The following SYT9 variants were observed in gnomAD, a reference collection of about 807,000 sequenced individuals.
The protein encoded by SYT9 is synaptotagmin 9, also known as synaptotagmin-9.
Under a neutral mutation model 48.4 loss-of-function variants are expected in SYT9, and 22 were observed. The ratio of observed to expected loss-of-function variants is 0.45; its 90% CI spans 0.32 to 0.65. SYT9 has a LOEUF of 0.65. SYT9 is among the 30% of genes least tolerant of loss of function. The pLI is 0.03. For synonymous variants in SYT9, 265 were observed against 245.0 expected (o/e 1.08, Z -0.76); for missense variants, 577 against 622.0 (o/e 0.93, Z 0.77).
chr11:7,467,080 T>G lies in SYT9; in HGVS notation c.*280T>G, dbSNP rs1848351437. The stretch of plus-strand genomic sequence containing the variant: ...TATGAACAAAAACAAATGATAGATA[T>G]AGTGACAGTACCAAGAGTACCAGGA... On this transcript the variant is annotated 3_prime_UTR_variant, in exon 7 of 7. Transcript: ENST00000318881. 2.2e-6 allele frequency: 1 copy of G among 453,294 alleles called. No homozygotes were observed. 28.1% of individuals were successfully genotyped at this position (453,294 alleles called of 1,614,324 possible). A position where few individuals can be genotyped will look rare whatever the true frequency, so the allele number is the denominator to read the frequency against.
intron 3 of SYT9, among the ~76,000 whole-genome samples, chr11:7,321,952 G>A (rs1849345477): frequency 6.6e-6 from 1 of 152,124 alleles, no homozygotes; most frequent in African/African-American, 2.4e-5. Flanking sequence ...CACTTTCCTT[G>A]CTATCTGCTG....
chr11:7,418,119 A>G lies in SYT9; in HGVS notation c.1328A>G (p.Asp443Gly). The change falls in exon 5 of 7, where the codon GAC becomes GGC. Residue 443 changes from aspartate (D) to glycine (G), a missense_variant. By Grantham distance (94) the Asp-to-Gly change is moderately conservative. Coordinates refer to ENST00000318881, the MANE Select transcript of SYT9 (RefSeq NM_175733.4). ...DQIHLSIAVM[D>G]YDRVGHNEII... The stretch of plus-strand genomic sequence containing the variant: ...ATCCACTTGTCCATAGCAGTCATGG[A>G]CTATGACCGGTGAGATACCTGGAAC... 1 of 1,613,534 alleles carries G rather than the reference A, an allele frequency of 6.2e-7. No individual in the cohort carries two copies. Among genetic ancestry groups the G allele is most frequent in the Non-Finnish European group, 8.5e-7 (1 of 1,179,802 alleles).
intron 2 of SYT9, among the ~76,000 whole-genome samples, chr11:7,304,764 A>G (rs1849003232): frequency 1.3e-5 from 2 of 152,254 alleles, no homozygotes; most frequent in Admixed American, 1.3e-4. Flanking sequence ...TTCAGATTTA[A>G]AACTTAAATA....
intron 6 of SYT9, among the ~76,000 whole-genome samples, chr11:7,426,807 G>T (rs141685686): frequency 6.6e-6 from 1 of 151,996 alleles, no homozygotes; most frequent in Non-Finnish European, 1.5e-5. Context: ...TATGACTCAC[G>T]CTCAGACCTC....
chr11:7,378,121 A>AAG (rs1850490728), intron 3 of SYT9, among the ~76,000 whole-genome samples: 1 of 151,406 alleles, frequency 6.6e-6, no homozygotes, highest in Admixed American at 6.6e-5. Context: ...AAAGATACAA[A>AAG]AAAAAAAAAA....
intron 3 of SYT9, among the ~76,000 whole-genome samples, chr11:7,348,546 G>A (rs1248160815): frequency 6.6e-6 from 1 of 152,114 alleles, no homozygotes; most frequent in Non-Finnish European, 1.5e-5. Context: ...TGAACATTCT[G>A]TAAGAACTCC....
intron 3 of SYT9, among the ~76,000 whole-genome samples, chr11:7,321,902 G>A (rs772814782): frequency 1.3e-5 from 2 of 152,168 alleles, no homozygotes; most frequent in Non-Finnish European, 2.9e-5. Context: ...GTGCTGGTAG[G>A]AGTGTATGAT....
chr11:7,370,009 A>G (rs933942109), intron 3 of SYT9, among the ~76,000 whole-genome samples: 3 of 152,202 alleles, frequency 2.0e-5, no homozygotes, highest in Middle Eastern at 3.4e-3. Flanking sequence ...CACATGCAGT[A>G]TACACGGCAC....
At chr11:7,385,720 C>G (rs1314003196) in intron 3 of SYT9, among the ~76,000 whole-genome samples, 1 of 152,184 alleles carries the variant, frequency 6.6e-6, no homozygotes, top group Admixed American at 6.6e-5. Flanking sequence ...GCTCTCTGTG[C>G]AGCTCCACTG....
chr11:7,423,960 G>A (rs536953693), intron 6 of SYT9, among the ~76,000 whole-genome samples: 10 of 152,308 alleles, frequency 6.6e-5, no homozygotes, highest in African/African-American at 2.2e-4. Context: ...GAGTATGTGA[G>A]TGTGCACTCA....
chr11:7,451,227 TTTA>T (rs1312357370), intron 6 of SYT9, among the ~76,000 whole-genome samples: 1 of 152,194 alleles, frequency 6.6e-6, no homozygotes, highest in Admixed American at 6.5e-5. Context: ...TGCACTAAAA[TTTA>T]TTAACAGAAA....
chr11:7,396,100 A>G (rs1846746501), intron 3 of SYT9, among the ~76,000 whole-genome samples: 1 of 152,136 alleles, frequency 6.6e-6, no homozygotes, highest in African/African-American at 2.4e-5. Flanking sequence ...TTTAGTTTAC[A>G]TATAATAAAA....
At chr11:7,452,118 AACACACAC>A (rs142000557) in intron 6 of SYT9, among the ~76,000 whole-genome samples, 6 of 147,544 alleles carry the variant, frequency 4.1e-5, no homozygotes, top group East Asian at 2.0e-4. Context: ...TTATATTTAA[AACACACAC>A]ACACACACAC....
rs560205965 is a variant in SYT9 at position 7,328,390 on chromosome 11, C to T, written c.1044+14449C>T. On this transcript the variant is annotated intron_variant, in intron 3 of 6. Coordinates refer to ENST00000318881, the MANE Select transcript of SYT9 (RefSeq NM_175733.4). Reference sequence around the variant, plus strand: ...GTTTTGACCCCATTTTACTTTCTCCCTTCTACCAACTTATAAGATACAACC... The same window carrying T: ...GTTTTGACCCCATTTTACTTTCTCCTTTCTACCAACTTATAAGATACAACC... Among the ~76,000 whole-genome samples the T allele has an allele frequency of 8.0e-4, 121 of 152,038 alleles. 1 individual carries two copies. Among genetic ancestry groups the T allele is most frequent in the African/African-American group, 2.8e-3 (118 of 41,482 alleles).
At chr11:7,266,075 G>T (rs1848175521) in intron 1 of SYT9, among the ~76,000 whole-genome samples, 1 of 152,078 alleles carries the variant, frequency 6.6e-6, no homozygotes, top group African/African-American at 2.4e-5. Context: ...AGGATCCCAA[G>T]TTAAACATAT....
chr11:7,355,735 T>C (rs899136986), intron 3 of SYT9, among the ~76,000 whole-genome samples: 13 of 152,228 alleles, frequency 8.5e-5, no homozygotes, highest in Non-Finnish European at 1.6e-4. Context: ...TCAAATGATA[T>C]ATAGACAGAA....
At chr11:7,462,849 T>G (rs1365168302) in intron 6 of SYT9, among the ~76,000 whole-genome samples, 1 of 152,196 alleles carries the variant, frequency 6.6e-6, no homozygotes, top group Non-Finnish European at 1.5e-5. Context: ...CACAGAGAGA[T>G]ATTATCTAAT....
At chr11:7,342,668 A>T (rs1033493235) in intron 3 of SYT9, among the ~76,000 whole-genome samples, 2 of 152,126 alleles carry the variant, frequency 1.3e-5, no homozygotes, top group African/African-American at 4.8e-5. Flanking sequence ...CTGTAGGTGG[A>T]TCTACCATTC....
Position 7,380,564 on chromosome 11 carries a change from A to G in SYT9, c.1045-35478A>G, listed in dbSNP as rs573032076. ...CCTCTCAGGCACCCCATAAGAATAT[A>G]TACCTACTTTGCACCCACCAAAATT... On this transcript the variant is annotated intron_variant, in intron 3 of 6. Coordinates refer to ENST00000318881, the MANE Select transcript of SYT9 (RefSeq NM_175733.4). 6.6e-5 allele frequency among the ~76,000 whole-genome samples: 10 copies of G among 152,168 alleles called. No individual in the cohort carries two copies. In the South Asian group the frequency reaches 2.1e-3, roughly 32 times the overall value.
Sources: gnomAD v4.1 joint callset for allele counts (sites outside exome capture counted in the v4.1 genomes callset) on GRCh38, gnomAD v4.1.1 for gene constraint, MANE v1.5 for transcripts, NCBI Gene and HGNC (gene_info 2026-07-23, HGNC 2026-07-21) for gene names.